LIN52: variants seen among roughly 807,000 people sequenced by gnomAD.
LIN52 encodes the protein protein lin-52 homolog.
Under a neutral mutation model 18.5 loss-of-function variants are expected in LIN52, and 4 were observed. That is an observed-to-expected ratio of 0.22 (90% CI 0.11 to 0.49). LIN52 has a LOEUF of 0.49. LIN52 is among the 20% of genes least tolerant of loss of function. LIN52 has a pLI of 0.97. For missense variants in LIN52, 102 were observed against 139.5 expected (o/e 0.73, Z 1.35); for synonymous variants, 34 against 45.5 (o/e 0.75, Z 1.02).
intron 5 of LIN52, among the ~76,000 whole-genome samples, chr14:74,196,345 C>G (rs2078912097): frequency 6.6e-6 from 1 of 152,110 alleles, no homozygotes. Flanking sequence ...TGGTCATTTT[C>G]CCATTTGGGG....
At position 74,124,810 on chromosome 14, in the gene LIN52, C is replaced by CAAAAAAAA. The variant is rs5809648; in HGVS notation, c.283+23588_283+23595dup. Among the ~76,000 whole-genome samples, 202 of 59,418 alleles carry CAAAAAAAA rather than the reference C, an allele frequency of 3.4e-3. 5 individuals are homozygous for CAAAAAAAA. The highest frequency in any genetic ancestry group is 6.9e-3 in the African/African-American group (103 of 14,872). 39.0% of individuals were successfully genotyped at this position (59,418 alleles called of 152,430 possible). ...TGGGTGACAGAGCAAGACCCTGTCTCAAAAAAAAAAAAAAAAAAAAAAAGC... is the reference window on the plus strand; with the variant it reads ...TGGGTGACAGAGCAAGACCCTGTCTCAAAAAAAAAAAAAAAAAAAAAAAAAAAAAAAGC... On this transcript the variant is annotated intron_variant, in intron 5 of 5. Transcript: ENST00000555028.
chr14:74,130,282 T>TTTTTTTTG (rs1595167972), intron 5 of LIN52, among the ~76,000 whole-genome samples: 4 of 81,454 alleles, frequency 4.9e-5, no homozygotes, highest in South Asian at 6.6e-4. Flanking sequence ...TTTTTGGTTT[T>TTTTTTTTG]TTTTTTTTTT....
chr14:74,171,888 G>A (rs148796548), intron 5 of LIN52, among the ~76,000 whole-genome samples: 1 of 152,098 alleles, frequency 6.6e-6, no homozygotes, highest in African/African-American at 2.4e-5. Context: ...ACAGGCATGC[G>A]CCACCAAACC....
chr14:74,181,649 A>G lies in LIN52; in HGVS notation c.284-17273A>G, dbSNP rs957867000. Among the ~76,000 whole-genome samples the G allele has an allele frequency of 6.2e-5, 7 of 112,554 alleles. No individual in the cohort carries two copies. The Admixed American group carries it at 6.3e-4, about 10-fold the overall frequency. The allele number at this position is 112,554 out of a possible 152,430, so 73.8% of individuals were successfully genotyped here. A position where few individuals can be genotyped will look rare whatever the true frequency, so the allele number is the denominator to read the frequency against. ...CAGGTTAAGCTGTAGAGTTTCAGTG[A>G]TACAGACTATTATACTCAATATAAT... On this transcript the variant is annotated intron_variant, in intron 5 of 5. Coordinates refer to ENST00000555028, the MANE Select transcript of LIN52 (RefSeq NM_001024674.3).
chr14:74,181,983 G>A (rs189446127), intron 5 of LIN52, among the ~76,000 whole-genome samples: 6 of 152,246 alleles, frequency 3.9e-5, no homozygotes, highest in African/African-American at 1.4e-4. Flanking sequence ...AGGCTGACTA[G>A]ATGGCTACTG....
At chr14:74,125,827 G>A (rs944615714) in intron 5 of LIN52, among the ~76,000 whole-genome samples, 3 of 137,560 alleles carry the variant, frequency 2.2e-5, no homozygotes, top group African/African-American at 8.2e-5. Flanking sequence ...TCATAGGTGG[G>A]AATTGAACAA....
chr14:74,092,301 ATAT>A (rs1566843557), intron 2 of LIN52, among the ~76,000 whole-genome samples: 1 of 32,918 alleles, frequency 3.0e-5, no homozygotes, highest in African/African-American at 1.7e-4. Context: ...ATATATATGT[ATAT>A]ATATATATAT....
At chr14:74,165,306 G>A (rs1327086191) in intron 5 of LIN52, among the ~76,000 whole-genome samples, 3 of 152,036 alleles carry the variant, frequency 2.0e-5, no homozygotes, top group African/African-American at 4.8e-5. Context: ...TCCTGTATTG[G>A]GGGAAGTCAA....
intron 5 of LIN52, among the ~76,000 whole-genome samples, chr14:74,158,763 C>T (rs1377807701): frequency 6.6e-6 from 1 of 152,224 alleles, no homozygotes; most frequent in East Asian, 1.9e-4. Context: ...CAGGCGTGAG[C>T]CACTGCGCCC....
intron 5 of LIN52, among the ~76,000 whole-genome samples, chr14:74,190,705 T>C (rs1303498877): frequency 6.6e-6 from 1 of 152,220 alleles, no homozygotes; most frequent in Non-Finnish European, 1.5e-5. Flanking sequence ...TAAAGAACTT[T>C]AGGCAAAAGC....
chr14:74,088,566 G>C (rs17096208), intron 1 of LIN52, among the ~76,000 whole-genome samples: 5 of 152,028 alleles, frequency 3.3e-5, no homozygotes, highest in African/African-American at 1.2e-4. Context: ...CTCAGAAATC[G>C]GTAACAAAGA....
intron 5 of LIN52, among the ~76,000 whole-genome samples, chr14:74,125,892 G>A (rs1278482684): frequency 8.5e-6 from 1 of 117,050 alleles, no homozygotes; most frequent in Non-Finnish European, 1.7e-5. Flanking sequence ...CTGTTGTGGG[G>A]TGGGGGGAGG....
At chr14:74,178,679 CA>C (rs2061303747) in intron 5 of LIN52, among the ~76,000 whole-genome samples, 1 of 151,694 alleles carries the variant, frequency 6.6e-6, no homozygotes, top group Non-Finnish European at 1.5e-5. Flanking sequence ...AGGCTGGTCT[CA>C]AATTCCTGGC....
intron 5 of LIN52, among the ~76,000 whole-genome samples, chr14:74,181,333 A>C (rs1282325606): frequency 6.6e-6 from 1 of 151,140 alleles, no homozygotes; most frequent in African/African-American, 2.4e-5. Flanking sequence ...CCAGCTACTC[A>C]GGGGGCTAAG....
chr14:74,184,578 G>A (rs1398995611), intron 5 of LIN52, among the ~76,000 whole-genome samples: 2 of 152,198 alleles, frequency 1.3e-5, no homozygotes, highest in Non-Finnish European at 2.9e-5. Context: ...TTTGAGTGAA[G>A]ATCAGTGGCT....
chr14:74,177,047 G>A (rs1002711765), intron 5 of LIN52, among the ~76,000 whole-genome samples: 5 of 151,500 alleles, frequency 3.3e-5, no homozygotes, highest in Admixed American at 2.0e-4. Flanking sequence ...TGCCCAGGCC[G>A]GAGTGCAATG....
intron 5 of LIN52, among the ~76,000 whole-genome samples, chr14:74,195,960 CTG>C (rs1195707095): frequency 6.6e-6 from 1 of 152,182 alleles, no homozygotes; most frequent in Admixed American, 6.5e-5. Context: ...AGCAATTTCT[CTG>C]TGCACAAAAA....
intron 5 of LIN52, among the ~76,000 whole-genome samples, chr14:74,156,073 T>G (rs997632462): frequency 6.6e-6 from 1 of 152,240 alleles, no homozygotes; most frequent in Non-Finnish European, 1.5e-5. Flanking sequence ...GCTTACAGAT[T>G]GAAATAAACA....
intron 5 of LIN52, among the ~76,000 whole-genome samples, chr14:74,181,312 A>G (rs552202341): frequency 1.3e-5 from 2 of 151,490 alleles, no homozygotes; most frequent in East Asian, 1.9e-4. Context: ...AAGCCGGTCC[A>G]GGCATGGTGG....
Sources: gnomAD v4.1 joint callset for allele counts (sites outside exome capture counted in the v4.1 genomes callset) on GRCh38, gnomAD v4.1.1 for gene constraint, MANE v1.5 for transcripts, NCBI Gene and HGNC (gene_info 2026-07-23, HGNC 2026-07-21) for gene names.